Variants in ULK4 observed in about 807,000 individuals in gnomAD.
ULK4 encodes inactive serine/threonine-protein kinase ULK4.
A neutral mutation model predicts 160.6 loss-of-function variants in ULK4; 133 were observed. The ratio of observed to expected loss-of-function variants is 0.83; its 90% CI spans 0.72 to 0.96. The LOEUF is 0.96. Among genes scored for constraint, ULK4 ranks in the 40% least tolerant of loss-of-function variants. ULK4 has a pLI of 0.00. For missense variants in ULK4, 1,580 were observed against 1,499.5 expected (o/e 1.05, Z -0.89); for synonymous variants, 534 against 539.8 (o/e 0.99, Z 0.15).
chr3:41,578,910 G>A (rs1183264106), intron 31 of ULK4, among the ~76,000 whole-genome samples: 1 of 152,208 alleles, frequency 6.6e-6, no homozygotes, highest in Non-Finnish European at 1.5e-5. Context: ...AATTTCTTCA[G>A]TCAAGCTAGG....
intron 34 of ULK4, among the ~76,000 whole-genome samples, chr3:41,428,165 C>A (rs548495719): frequency 1.3e-5 from 2 of 152,188 alleles, no homozygotes; most frequent in African/African-American, 2.4e-5. Flanking sequence ...CTCTCATTCA[C>A]AATTGTTACA....
At chr3:41,881,543 T>A (rs919584595) in intron 17 of ULK4, among the ~76,000 whole-genome samples, 16 of 152,158 alleles carry the variant, frequency 1.1e-4, no homozygotes, top group African/African-American at 3.9e-4. Flanking sequence ...CTAAAAAGTG[T>A]TGAGAAATAA....
At chr3:41,906,014 G>A (rs1281488823) in intron 12 of ULK4, among the ~76,000 whole-genome samples, 1 of 151,760 alleles carries the variant, frequency 6.6e-6, no homozygotes, top group Non-Finnish European at 1.5e-5. Context: ...TCAGGAGATC[G>A]AGACCATCCT....
intron 30 of ULK4, among the ~76,000 whole-genome samples, chr3:41,630,369 C>T (rs1427532426): frequency 6.6e-6 from 1 of 152,170 alleles, no homozygotes; most frequent in Non-Finnish European, 1.5e-5. Context: ...TTCCTTGCTG[C>T]TGCCAGCTAG....
chr3:41,715,362 A>C, intron 24 of ULK4, 69 bp from the exon 25 acceptor site: 1 of 1,609,784 alleles, frequency 6.2e-7, no homozygotes, highest in Non-Finnish European at 8.5e-7. Context: ...ATAAAAAAAA[A>C]ATGTTTTGAG....
chr3:41,457,356 T>C (rs1033686966), intron 33 of ULK4, among the ~76,000 whole-genome samples: 2 of 152,150 alleles, frequency 1.3e-5, no homozygotes, highest in Non-Finnish European at 2.9e-5. Flanking sequence ...AAGATCTGCA[T>C]AGTCATACGT....
At chr3:41,811,905 T>A (rs2125621036) in intron 19 of ULK4, among the ~76,000 whole-genome samples, 1 of 152,320 alleles carries the variant, frequency 6.6e-6, no homozygotes, top group East Asian at 1.9e-4. Context: ...TTCAGTAGCT[T>A]TCTATTTTAG....
rs2037231778 is a variant in ULK4 at position 41,715,368 on chromosome 3, T to C, written c.2578-75A>G. On this transcript the variant is annotated intron_variant, in intron 24 of 36. Coordinates refer to ENST00000301831, the MANE Select transcript of ULK4 (RefSeq NM_017886.4). Reference sequence around the variant, plus strand: ...GTTAGCTCAATAAAAAAAAAATGTTTTGAGTTGAGGATTCTCAGCTCCAGT... The same window carrying C: ...GTTAGCTCAATAAAAAAAAAATGTTCTGAGTTGAGGATTCTCAGCTCCAGT... 4 of 1,611,002 alleles carry C rather than the reference T, an allele frequency of 2.5e-6. No homozygotes were observed. The South Asian group carries it at 3.3e-5, about 13-fold the overall frequency.
At chr3:41,426,486 T>C (rs2082778532) in intron 34 of ULK4, among the ~76,000 whole-genome samples, 1 of 152,174 alleles carries the variant, frequency 6.6e-6, no homozygotes. Context: ...TGGTGCCAAA[T>C]GGCACTTACT....
At chr3:41,752,012 A>G (rs2038647744) in intron 22 of ULK4, among the ~76,000 whole-genome samples, 1 of 152,194 alleles carries the variant, frequency 6.6e-6, no homozygotes, top group African/African-American at 2.4e-5. Context: ...GGTGAGGAAC[A>G]GGGGTATTAT....
intron 31 of ULK4, among the ~76,000 whole-genome samples, chr3:41,594,937 A>G (rs1431986252): frequency 6.6e-6 from 1 of 152,178 alleles, no homozygotes; most frequent in East Asian, 1.9e-4. Context: ...GGCCGATCCC[A>G]GACTGTATTA....
intron 16 of ULK4, among the ~76,000 whole-genome samples, chr3:41,893,672 C>T (rs1323415700): frequency 3.3e-5 from 5 of 151,924 alleles, no homozygotes; most frequent in African/African-American, 1.2e-4. Flanking sequence ...ATAAAATGAT[C>T]AGATATTCAC....
At chr3:41,900,871 T>C (rs1698328231) in intron 12 of ULK4, 42 bp from the exon 13 acceptor site, 2 of 1,457,956 alleles carry the variant, frequency 1.4e-6, no homozygotes, top group Non-Finnish European at 1.9e-6. Flanking sequence ...CTGCGACTAA[T>C]GTAGATCTTT....
At position 41,689,886 on chromosome 3, in the gene ULK4, T is replaced by C. The variant is rs557704759; in HGVS notation, c.2782-8082A>G. On this transcript the variant is annotated intron_variant, in intron 27 of 36. Transcript: ENST00000301831. ...ACCATTGTGGAAGTCAGTGTGGCGA[T>C]TCCTCAGGGATCTAGAACTAGAAAT... is the stretch of plus-strand genomic sequence containing the variant. Among the ~76,000 whole-genome samples the C allele has an allele frequency of 8.7e-5, 13 of 149,866 alleles. No homozygotes were observed. In the East Asian group the frequency reaches 1.9e-3, roughly 22 times the overall value.
chr3:41,740,327 G>GA (rs902339005), intron 22 of ULK4, among the ~76,000 whole-genome samples: 15 of 150,918 alleles, frequency 9.9e-5, no homozygotes, highest in African/African-American at 2.7e-4. Flanking sequence ...TATGGGGAAG[G>GA]AAAAAAAACT....
At chr3:41,794,069 C>T (rs2040224554) in intron 20 of ULK4, among the ~76,000 whole-genome samples, 1 of 152,206 alleles carries the variant, frequency 6.6e-6, no homozygotes, top group Admixed American at 6.5e-5. Context: ...CAAAAAACTA[C>T]ACTTCTATCA....
chr3:41,305,899 C>A (rs1268619948), intron 35 of ULK4, among the ~76,000 whole-genome samples: 1 of 149,502 alleles, frequency 6.7e-6, no homozygotes, highest in African/African-American at 2.5e-5. Flanking sequence ...AGGAGCACCT[C>A]TGCCCGGCTG....
At chr3:41,645,151 G>C (rs569154335) in intron 30 of ULK4, among the ~76,000 whole-genome samples, 1 of 151,664 alleles carries the variant, frequency 6.6e-6, no homozygotes, top group East Asian at 1.9e-4. Context: ...CCAGCTCCTG[G>C]ATTCATTAAT....
chr3:41,504,626 G>C (rs1257824858), intron 32 of ULK4, among the ~76,000 whole-genome samples: 2 of 151,996 alleles, frequency 1.3e-5, no homozygotes, highest in Non-Finnish European at 2.9e-5. Flanking sequence ...CTAATCATAT[G>C]TTTAATTTTA....
Sources: gnomAD v4.1 joint callset for allele counts (sites outside exome capture counted in the v4.1 genomes callset) on GRCh38, gnomAD v4.1.1 for gene constraint, MANE v1.5 for transcripts, NCBI Gene and HGNC (gene_info 2026-07-23, HGNC 2026-07-21) for gene names.